Variants in NPAS3 observed in about 807,000 individuals in gnomAD.
NPAS3 encodes neuronal PAS domain-containing protein 3.
NPAS3 carries 14 observed loss-of-function variants against 73.1 expected under a neutral mutation model. The observed-to-expected ratio is 0.19, with a 90% CI of 0.13 to 0.30. NPAS3 has a LOEUF of 0.30. Among genes scored for constraint, NPAS3 ranks in the 10% least tolerant of loss-of-function variants. The probability of loss-of-function intolerance (pLI) is 1.00; values close to 1 mark genes in which losing one functional copy is unlikely to be tolerated. For synonymous variants in NPAS3, 620 were observed against 541.5 expected, an observed-to-expected ratio of 1.14 and a Z score of -2.01; for missense variants, 1,096 against 1,250.0, an observed-to-expected ratio of 0.88 and a Z score of 1.86.
intron 7 of NPAS3, among the ~76,000 whole-genome samples, chr14:33,757,308 T>C (rs1297378024): frequency 6.6e-6 from 1 of 152,220 alleles, no homozygotes; most frequent in Non-Finnish European, 1.5e-5. Context: ...CGTTTTTAAA[T>C]GCACCACCTC....
At chr14:33,604,187 T>C (rs2057484563) in intron 5 of NPAS3, among the ~76,000 whole-genome samples, 2 of 152,080 alleles carry the variant, frequency 1.3e-5, no homozygotes, top group Non-Finnish European at 2.9e-5. Context: ...TAATTGTAAG[T>C]AACCTAAATT....
intron 9 of NPAS3, among the ~76,000 whole-genome samples, chr14:33,792,809 G>A (rs1344301160): frequency 6.6e-6 from 1 of 152,180 alleles, no homozygotes; most frequent in African/African-American, 2.4e-5. Context: ...CATTTCAGCA[G>A]ACGGAGGCAA....
At chr14:33,677,116 A>T (rs937355492) in intron 6 of NPAS3, among the ~76,000 whole-genome samples, 3 of 152,202 alleles carry the variant, frequency 2.0e-5, no homozygotes, top group Admixed American at 6.5e-5. Flanking sequence ...CCCCTAGTTC[A>T]TCAAGCTGTT....
At chr14:33,309,416 A>G (rs1423854513) in intron 3 of NPAS3, among the ~76,000 whole-genome samples, 2 of 152,192 alleles carry the variant, frequency 1.3e-5, no homozygotes, top group African/African-American at 2.4e-5. Context: ...TTTATATTTA[A>G]TGCTGTTTAA....
At chr14:33,422,117 G>C (rs981202836) in intron 4 of NPAS3, among the ~76,000 whole-genome samples, 1 of 151,896 alleles carries the variant, frequency 6.6e-6, no homozygotes, top group Non-Finnish European at 1.5e-5. Context: ...GTTTGCATTA[G>C]TGAACCCACT....
At chr14:33,206,543 G>A (rs752124859) in intron 2 of NPAS3, among the ~76,000 whole-genome samples, 5 of 152,132 alleles carry the variant, frequency 3.3e-5, no homozygotes, top group Non-Finnish European at 7.4e-5. Flanking sequence ...TTTAGCATCA[G>A]TCATATCTAG....
chr14:33,322,388 A>G (rs1277098313), intron 3 of NPAS3, among the ~76,000 whole-genome samples: 1 of 152,132 alleles, frequency 6.6e-6, no homozygotes, highest in Non-Finnish European at 1.5e-5. Context: ...CCAAATTATA[A>G]GACTGGTATT....
intron 4 of NPAS3, among the ~76,000 whole-genome samples, chr14:33,557,667 A>G (rs1294465978): frequency 6.6e-6 from 1 of 152,260 alleles, no homozygotes; most frequent in South Asian, 2.1e-4. Context: ...ATTTCCTTGT[A>G]TATAAAATGT....
At chr14:33,232,771 A>G (rs1368277033) in intron 3 of NPAS3, among the ~76,000 whole-genome samples, 1 of 152,220 alleles carries the variant, frequency 6.6e-6, no homozygotes, top group Non-Finnish European at 1.5e-5. Context: ...AAAGAATTGC[A>G]GAGCAAAATT....
intron 4 of NPAS3, among the ~76,000 whole-genome samples, chr14:33,424,480 G>A (rs757412501): frequency 6.6e-6 from 1 of 151,972 alleles, no homozygotes; most frequent in Non-Finnish European, 1.5e-5. Context: ...AAGCCTGGAG[G>A]TCAGGGCACT....
intron 3 of NPAS3, among the ~76,000 whole-genome samples, chr14:33,283,941 C>T (rs2041744189): frequency 6.6e-6 from 1 of 152,138 alleles, no homozygotes; most frequent in Non-Finnish European, 1.5e-5. Context: ...GTGGCCTCCT[C>T]CTATCAGGTT....
At chr14:33,332,136 G>A (rs554443581) in intron 3 of NPAS3, among the ~76,000 whole-genome samples, 6 of 152,060 alleles carry the variant, frequency 3.9e-5, no homozygotes, top group African/African-American at 1.2e-4. Flanking sequence ...CAAGGTTCTG[G>A]GTACTCCAAA....
chr14:33,574,276 G>A (rs532579477), intron 5 of NPAS3, among the ~76,000 whole-genome samples: 2 of 152,218 alleles, frequency 1.3e-5, no homozygotes, highest in South Asian at 4.1e-4. Flanking sequence ...CAGCACAAAT[G>A]ATCAGAAAGT....
At chr14:33,595,686 T>A (rs2057216552) in intron 5 of NPAS3, among the ~76,000 whole-genome samples, 1 of 152,148 alleles carries the variant, frequency 6.6e-6, no homozygotes, top group African/African-American at 2.4e-5. Flanking sequence ...CTTCTTTTTT[T>A]TTGAGATGGA....
chr14:33,139,083 T>A (rs1250053624), intron 2 of NPAS3, among the ~76,000 whole-genome samples: 1 of 152,194 alleles, frequency 6.6e-6, no homozygotes, highest in African/African-American at 2.4e-5. Flanking sequence ...CTCCCAGTGG[T>A]TGGGAACTTA....
chr14:33,301,324 T>TATATATATA (rs56204986), intron 3 of NPAS3, among the ~76,000 whole-genome samples: 1,075 of 75,484 alleles, frequency 0.014, 106 homozygotes, highest in East Asian at 0.086. Context: ...ATATATATAT[T>TATATATATA]TTTTTTTTTT....
At chr14:33,079,609 C>CTTTTTTTTTT (rs34920021) in intron 2 of NPAS3, among the ~76,000 whole-genome samples, 5 of 56,046 alleles carry the variant, frequency 8.9e-5, no homozygotes, top group African/African-American at 1.5e-4. Flanking sequence ...TGAGCCAGGC[C>CTTTTTTTTTT]TTTTTTTTTT....
intron 5 of NPAS3, among the ~76,000 whole-genome samples, chr14:33,630,684 T>C (rs2058353321): frequency 6.6e-6 from 1 of 152,198 alleles, no homozygotes; most frequent in Non-Finnish European, 1.5e-5. Flanking sequence ...ACATGTCAAT[T>C]AACCTATGGA....
chr14:33,720,241 T>G (rs1204017184), intron 6 of NPAS3, among the ~76,000 whole-genome samples: 1 of 152,296 alleles, frequency 6.6e-6, no homozygotes, highest in African/African-American at 2.4e-5. Flanking sequence ...CAGGTAGTAT[T>G]TATTACCTGT....
Sources: gnomAD v4.1 joint callset for allele counts (sites outside exome capture counted in the v4.1 genomes callset) on GRCh38, gnomAD v4.1.1 for gene constraint, MANE v1.5 for transcripts, NCBI Gene and HGNC (gene_info 2026-07-23, HGNC 2026-07-21) for gene names.